The following NDST3 variants were observed in gnomAD, a reference collection of about 807,000 sequenced individuals.
NDST3 encodes bifunctional heparan sulfate N-deacetylase/N-sulfotransferase 3.
Under a neutral mutation model 96.1 loss-of-function variants are expected in NDST3, and 58 were observed. The ratio of observed to expected loss-of-function variants is 0.60; its 90% CI spans 0.49 to 0.75. NDST3 has a LOEUF of 0.75. Ranked by LOEUF, NDST3 falls within the 30% of genes least tolerant of loss-of-function variation. The pLI is 0.00. For missense variants in NDST3, 788 were observed against 1,034.2 expected, an observed-to-expected ratio of 0.76 and a Z score of 3.27; for synonymous variants, 333 against 359.7, an observed-to-expected ratio of 0.93 and a Z score of 0.84.
At chr4:118,171,411 A>T (rs963152596) in intron 6 of NDST3, among the ~76,000 whole-genome samples, 18 of 152,176 alleles carry the variant, frequency 1.2e-4, no homozygotes, top group Admixed American at 6.5e-5. Context: ...GGCATATGAT[A>T]TTGTATCATA....
chr4:118,180,625 G>T (rs925994352), intron 6 of NDST3, among the ~76,000 whole-genome samples: 2 of 152,128 alleles, frequency 1.3e-5, no homozygotes, highest in African/African-American at 4.8e-5. Context: ...GTTTAATCTT[G>T]AGTCTTCTCA....
At chr4:118,080,732 T>C (rs1727943264) in intron 2 of NDST3, among the ~76,000 whole-genome samples, 1 of 152,150 alleles carries the variant, frequency 6.6e-6, no homozygotes, top group Admixed American at 6.6e-5. Context: ...GCTCCCTCAA[T>C]AAATGTCTGC....
chr4:118,255,814 T>C lies in NDST3; in HGVS notation c.*102T>C, dbSNP rs548692741. The C allele has an allele frequency of 2.4e-5, 31 of 1,299,084 alleles. No homozygotes were observed. The African/African-American group carries it at 4.5e-4, about 19-fold the overall frequency. 80.5% of individuals were successfully genotyped at this position (1,299,084 alleles called of 1,614,324 possible). A position where few individuals can be genotyped will look rare whatever the true frequency, so the allele number is the denominator to read the frequency against. ...CAGTTGAAAAATATACCTCTTCAAA[T>C]GAGAAAAAAGAACAGTTTCTTCCAT... On this transcript the variant is annotated 3_prime_UTR_variant, in exon 14 of 14. Transcript: ENST00000296499.
intron 2 of NDST3, 82 bp downstream of exon 2, chr4:118,054,973 G>T: frequency 6.4e-7 from 1 of 1,556,676 alleles, no homozygotes; most frequent in Middle Eastern, 1.7e-4. Context: ...ACTACAACTG[G>T]GTTACCCAGG....
chr4:118,192,661 C>A (rs1201732751), intron 6 of NDST3, among the ~76,000 whole-genome samples: 1 of 151,222 alleles, frequency 6.6e-6, no homozygotes, highest in Non-Finnish European at 1.5e-5. Flanking sequence ...TTAATGCCAA[C>A]AACATGCTGT....
At chr4:118,230,530 A>G (rs1467330619) in intron 8 of NDST3, among the ~76,000 whole-genome samples, 1 of 151,800 alleles carries the variant, frequency 6.6e-6, no homozygotes, top group Non-Finnish European at 1.5e-5. Context: ...AGCCGAGATC[A>G]CGCCGCTGCA....
At chr4:118,041,706 C>A (rs1335547495) in intron 1 of NDST3, among the ~76,000 whole-genome samples, 2 of 152,132 alleles carry the variant, frequency 1.3e-5, no homozygotes, top group Non-Finnish European at 1.5e-5. Flanking sequence ...CAAAAGTCTT[C>A]AATTTTCTAT....
chr4:118,125,553 T>C (rs1381989513), intron 4 of NDST3, among the ~76,000 whole-genome samples: 2 of 152,070 alleles, frequency 1.3e-5, no homozygotes, highest in African/African-American at 2.4e-5. Flanking sequence ...TCCTTAAGTA[T>C]GTAGAAAGAA....
chr4:118,139,228 C>A (rs1425826971), intron 5 of NDST3, among the ~76,000 whole-genome samples: 1 of 152,162 alleles, frequency 6.6e-6, no homozygotes, highest in Non-Finnish European at 1.5e-5. Flanking sequence ...TGAAAATGAA[C>A]CTACTGTGGC....
At chr4:118,037,127 A>G (rs1302314460) in intron 1 of NDST3, among the ~76,000 whole-genome samples, 1 of 152,156 alleles carries the variant, frequency 6.6e-6, no homozygotes, top group Non-Finnish European at 1.5e-5. Context: ...AAAAATGAGG[A>G]TTCCAGAGAC....
At position 118,208,114 on chromosome 4, in the gene NDST3, A is replaced by G. The variant is rs565505894; in HGVS notation, c.1540-16377A>G. Among the ~76,000 whole-genome samples, 17 of 145,060 alleles carry G rather than the reference A, an allele frequency of 1.2e-4. 1 individual carries two copies. Among genetic ancestry groups the G allele is most frequent in the Admixed American group, 1.1e-3 (16 of 14,626 alleles). On this transcript the variant is annotated intron_variant, in intron 6 of 13. Coordinates refer to ENST00000296499, the MANE Select transcript of NDST3 (RefSeq NM_004784.3). ...AACTTATAGATTGATTTATCTATCA[A>G]TAAGTTATTTAAGGGAGTTATAATT...
intron 2 of NDST3, among the ~76,000 whole-genome samples, chr4:118,068,402 T>G (rs1390929522): frequency 6.6e-6 from 1 of 151,818 alleles, no homozygotes; most frequent in Non-Finnish European, 1.5e-5. Flanking sequence ...TCCTACTGTA[T>G]TTTTTTTAAA....
intron 4 of NDST3, among the ~76,000 whole-genome samples, chr4:118,132,102 C>A (rs970014011): frequency 1.6e-4 from 24 of 152,168 alleles, no homozygotes; most frequent in African/African-American, 5.5e-4. Flanking sequence ...TAGGCCACTA[C>A]AATCAGCAGG....
At chr4:118,065,955 G>T (rs1340141964) in intron 2 of NDST3, among the ~76,000 whole-genome samples, 1 of 147,294 alleles carries the variant, frequency 6.8e-6, no homozygotes, top group Admixed American at 7.2e-5. Context: ...TTCTGGGAAA[G>T]AAAAATATTG....
At chr4:118,228,953 A>C (rs141242065) in intron 8 of NDST3, among the ~76,000 whole-genome samples, 232 of 152,384 alleles carry the variant, frequency 1.5e-3, no homozygotes, top group African/African-American at 5.4e-3. Flanking sequence ...GTAGTTTCTC[A>C]TATCAGTTAC....
chr4:118,085,727 T>G lies in NDST3; in HGVS notation c.982-19291T>G, dbSNP rs541550884. On this transcript the variant is annotated intron_variant, in intron 2 of 13. Coordinates refer to ENST00000296499, the MANE Select transcript of NDST3 (RefSeq NM_004784.3). ...TTGTTGTTATTTGTTTTTTGCTTGC[T>G]TTGCCCTCTTTAAAATTTTTAGAGG... 2.6e-5 allele frequency among the ~76,000 whole-genome samples: 4 copies of G among 152,308 alleles called. No homozygotes were observed. The South Asian group carries it at 8.3e-4, about 32-fold the overall frequency.
intron 6 of NDST3, among the ~76,000 whole-genome samples, chr4:118,201,740 G>T (rs1462953512): frequency 1.3e-5 from 2 of 152,078 alleles, no homozygotes; most frequent in East Asian, 3.9e-4. Context: ...CAGGTTGTCT[G>T]TTTGCTTTGT....
Position 118,252,475 on chromosome 4 carries a change from T to C in NDST3, c.2400-1024T>C, listed in dbSNP as rs1741808433. Reference sequence around the variant, plus strand: ...AATGCTATAAAATGGGAAGAATCCTTCACAGCATATCCTTAAGTGTCAGAA... The same window carrying C: ...AATGCTATAAAATGGGAAGAATCCTCCACAGCATATCCTTAAGTGTCAGAA... On this transcript the variant is annotated intron_variant, in intron 12 of 13. Transcript: ENST00000296499. Among the ~76,000 whole-genome samples, 3 of 152,192 alleles carry C rather than the reference T, an allele frequency of 2.0e-5. No individual in the cohort carries two copies. The South Asian group carries it at 6.2e-4, about 32-fold the overall frequency.
intron 1 of NDST3, among the ~76,000 whole-genome samples, chr4:118,039,876 G>A (rs1489139756): frequency 2.6e-5 from 4 of 152,180 alleles, no homozygotes; most frequent in Non-Finnish European, 5.9e-5. Flanking sequence ...AGAGATAAAA[G>A]TGGGAAGCAT....
Sources: allele counts gnomAD v4.1 joint callset (sites outside exome capture counted in the v4.1 genomes callset), GRCh38; gene constraint gnomAD v4.1.1; transcripts MANE v1.5; gene names NCBI Gene and HGNC (gene_info 2026-07-23, HGNC 2026-07-21).